Variants in PPFIA2 observed in about 807,000 individuals in gnomAD.
PPFIA2 encodes the protein PPFI scaffold protein A2, also known as liprin-alpha-2.
A neutral mutation model predicts 175.5 loss-of-function variants in PPFIA2; 46 were observed. The ratio of observed to expected loss-of-function variants is 0.26; its 90% CI spans 0.21 to 0.34. The LOEUF (loss-of-function observed/expected upper bound fraction) is 0.34. Among genes scored for constraint, PPFIA2 ranks in the 10% least tolerant of loss-of-function variants. The pLI is 1.00. For missense variants in PPFIA2, 1,179 were observed against 1,506.1 expected, an observed-to-expected ratio of 0.78 and a Z score of 3.60; for synonymous variants, 568 against 511.4, an observed-to-expected ratio of 1.11 and a Z score of -1.49.
At position 81,462,254 on chromosome 12, in the gene PPFIA2, C is replaced by CATATATATAT. The variant is rs71871906; in HGVS notation, c.304-4398_304-4389dup. On this transcript the variant is annotated intron_variant, in intron 4 of 32. Transcript: ENST00000549396. ...ATTATTGTCTGCCATGCTTTTCTAA[C>CATATATATAT]ATATATATATATATATATATATGTT... 1.5e-5 allele frequency among the ~76,000 whole-genome samples: 2 copies of CATATATATAT among 132,856 alleles called. 1 individual carries two copies. Among genetic ancestry groups the CATATATATAT allele is most frequent in the East Asian group, 4.6e-4 (2 of 4,380 alleles). 87.2% of individuals were successfully genotyped at this position (132,856 alleles called of 152,430 possible). A position where few individuals can be genotyped will look rare whatever the true frequency, so the allele number is the denominator to read the frequency against.
At chr12:81,647,064 AAG>A (rs201454557) in intron 4 of PPFIA2, among the ~76,000 whole-genome samples, 7,026 of 41,124 alleles carry the variant, frequency 0.17, 320 homozygotes, top group East Asian at 0.51. Flanking sequence ...GTTAAAAAAA[AAG>A]GGGGGGGGAG....
At chr12:81,447,662 A>G (rs1005043561) in intron 5 of PPFIA2, among the ~76,000 whole-genome samples, 1 of 152,192 alleles carries the variant, frequency 6.6e-6, no homozygotes, top group Non-Finnish European at 1.5e-5. Flanking sequence ...ACCAAATTTC[A>G]TTCTATTTTC....
At chr12:81,734,307 T>G (rs944085900) in intron 3 of PPFIA2, among the ~76,000 whole-genome samples, 4 of 151,796 alleles carry the variant, frequency 2.6e-5, no homozygotes, top group Non-Finnish European at 4.4e-5. Flanking sequence ...AAAAATCTCT[T>G]TGCTCTGAGA....
chr12:81,502,902 T>C (rs571781173), intron 4 of PPFIA2, among the ~76,000 whole-genome samples: 1 of 152,200 alleles, frequency 6.6e-6, no homozygotes, highest in African/African-American at 2.4e-5. Context: ...CTTGTACCAC[T>C]CCACTGCTTC....
intron 6 of PPFIA2, 129 bp from the exon 7 acceptor site, chr12:81,440,175 C>A: frequency 1.8e-6 from 1 of 554,780 alleles, no homozygotes; most frequent in South Asian, 2.7e-5. Context: ...TCCCTGCGTG[C>A]TCAGAATACT....
rs747044072 is a variant in PPFIA2 at position 81,543,841 on chromosome 12, CA to C, written c.304-85976del. On this transcript the variant is annotated intron_variant, in intron 4 of 32. Transcript: ENST00000549396. ...ACTTTACCTCTGTGGTCTTCTTCCC[CA>C]AACCCATAACTCTAATCTGATCATA... Among the ~76,000 whole-genome samples, 106 of 152,232 alleles carry C rather than the reference CA, an allele frequency of 7.0e-4. 1 individual carries two copies. The highest frequency in any genetic ancestry group is 2.5e-4 in the Non-Finnish European group (17 of 68,028).
At chr12:81,486,597 G>T (rs1211708616) in intron 4 of PPFIA2, among the ~76,000 whole-genome samples, 1 of 151,638 alleles carries the variant, frequency 6.6e-6, no homozygotes, top group African/African-American at 2.4e-5. Flanking sequence ...TTTGCACAAA[G>T]ATTTTCAAAT....
At chr12:81,735,438 G>C (rs1161514104) in intron 3 of PPFIA2, among the ~76,000 whole-genome samples, 1 of 151,592 alleles carries the variant, frequency 6.6e-6, no homozygotes, top group Admixed American at 6.6e-5. Context: ...TTTTTTAATT[G>C]GGTTTTCCTC....
At chr12:81,671,053 T>C (rs2071305698) in intron 4 of PPFIA2, among the ~76,000 whole-genome samples, 1 of 152,012 alleles carries the variant, frequency 6.6e-6, no homozygotes. Context: ...TAGCTTTAAA[T>C]GAGACCTCAC....
chr12:81,733,031 G>A (rs966367913), intron 3 of PPFIA2, among the ~76,000 whole-genome samples: 15 of 151,508 alleles, frequency 9.9e-5, no homozygotes, highest in African/African-American at 3.6e-4. Flanking sequence ...TCTTAGTTAC[G>A]TCTGGCCTTG....
In PPFIA2 at chr12:81,612,006, G is replaced by T. The variant is rs535885273; in HGVS notation, c.303+64785C>A. 4.9e-4 allele frequency among the ~76,000 whole-genome samples: 74 copies of T among 152,232 alleles called. No individual in the cohort carries two copies. In the South Asian group the frequency reaches 0.015, roughly 31 times the overall value. On this transcript the variant is annotated intron_variant, in intron 4 of 32. Coordinates refer to ENST00000549396, the MANE Select transcript of PPFIA2 (RefSeq NM_003625.5). ...GTGATCAGGTACCCTAAGTAGGGCTGCCAGCTTCCTTTCTATTCAGCCTCA... is the reference window on the plus strand; with the variant it reads ...GTGATCAGGTACCCTAAGTAGGGCTTCCAGCTTCCTTTCTATTCAGCCTCA...
intron 3 of PPFIA2, among the ~76,000 whole-genome samples, chr12:81,688,664 A>T (rs924683836): frequency 2.0e-5 from 3 of 151,156 alleles, no homozygotes; most frequent in African/African-American, 7.3e-5. Context: ...AGAATAAAAT[A>T]CTGTCTTTTC....
chr12:81,456,376 G>A (rs1465412419), intron 5 of PPFIA2, among the ~76,000 whole-genome samples: 3 of 152,112 alleles, frequency 2.0e-5, no homozygotes, highest in Non-Finnish European at 4.4e-5. Context: ...CCAATTCAAT[G>A]TATGCATGTA....
chr12:81,554,895 C>A (rs948890782), intron 4 of PPFIA2, among the ~76,000 whole-genome samples: 2 of 151,996 alleles, frequency 1.3e-5, no homozygotes, highest in African/African-American at 4.8e-5. Context: ...GAGATCATTT[C>A]AAACTCTCAG....
At chr12:81,512,809 C>A (rs2061959103) in intron 4 of PPFIA2, among the ~76,000 whole-genome samples, 1 of 152,038 alleles carries the variant, frequency 6.6e-6, no homozygotes, top group Admixed American at 6.6e-5. Flanking sequence ...GTTTTCCATT[C>A]CTGATTTACT....
Position 81,259,672 on chromosome 12 carries a change from A to C in PPFIA2, c.*34-12T>G. The C allele has an allele frequency of 6.5e-7, 1 of 1,533,686 alleles. No individual in the cohort carries two copies. The highest frequency in any genetic ancestry group is 8.7e-7 in the Non-Finnish European group (1 of 1,144,980). On this transcript the variant is annotated splice_polypyrimidine_tract_variant and intron_variant, in intron 32 of 32. Transcript: ENST00000549396. ...TGAAAAGACGCCATCTAAAATATAC[A>C]ATGGATAGCATTAGTTCACTGAAAA...
chr12:81,364,226 G>C (rs764897915), intron 14 of PPFIA2, among the ~76,000 whole-genome samples: 3 of 151,794 alleles, frequency 2.0e-5, no homozygotes, highest in Non-Finnish European at 2.9e-5. Flanking sequence ...TGGCTGGATT[G>C]CAGAGGTTAA....
At chr12:81,410,624 C>T (rs1592562345) in intron 7 of PPFIA2, among the ~76,000 whole-genome samples, 2 of 152,172 alleles carry the variant, frequency 1.3e-5, no homozygotes, top group South Asian at 4.1e-4. Flanking sequence ...TATCCCTTCA[C>T]ATTTCTTTGA....
chr12:81,744,499 T>A (rs146834831), intron 3 of PPFIA2, among the ~76,000 whole-genome samples: 146 of 150,908 alleles, frequency 9.7e-4, no homozygotes, highest in Non-Finnish European at 1.9e-3. Flanking sequence ...CTCAGCTCAC[T>A]GCAACCTCTG....
Sources: allele counts gnomAD v4.1 joint callset (sites outside exome capture counted in the v4.1 genomes callset), GRCh38; gene constraint gnomAD v4.1.1; transcripts MANE v1.5; gene names NCBI Gene and HGNC (gene_info 2026-07-23, HGNC 2026-07-21).